Variants in TECPR2 observed in about 807,000 individuals in gnomAD.
TECPR2 encodes the protein tectonin beta-propeller repeat containing 2, also known as tectonin beta-propeller repeat-containing protein 2.
In TECPR2, 65 loss-of-function variants were observed where a neutral mutation model predicts 138.1. The observed-to-expected ratio is 0.47, with a 90% CI of 0.39 to 0.58. The LOEUF (loss-of-function observed/expected upper bound fraction) is 0.58, where lower values mean the gene tolerates loss of function less well. TECPR2 is among the 20% of genes least tolerant of loss of function. The probability of loss-of-function intolerance (pLI) is 0.00; values close to 1 mark genes in which losing one functional copy is unlikely to be tolerated. For missense variants in TECPR2, 1,553 were observed against 1,824.5 expected (o/e 0.85, Z 2.71); for synonymous variants, 746 against 749.8 (o/e 0.99, Z 0.08).
chr14:102,497,406 G>C (rs1314628054), intron 18 of TECPR2, 164 bp from the exon 19 acceptor site: 1 of 1,091,346 alleles, frequency 9.2e-7, no homozygotes, highest in East Asian at 2.7e-5. Context: ...CCTGCCAACT[G>C]GTCGTCCTTT....
Position 102,425,138 on chromosome 14 carries a change from G to A in TECPR2, c.798G>A (p.Lys266=). Residue 266 remains lysine, a synonymous_variant, in exon 6 of 20, where the codon AAG becomes AAA. Coordinates refer to ENST00000359520, the MANE Select transcript of TECPR2 (RefSeq NM_014844.5). ...ILKDAFAGGV[K]PFELHPRLES... ...AAGATGCTTTTGCCGGGGGAGTCAA[G>A]CCTTTTGAACTGCACCCGCGTCTGG... 1 of 1,614,122 alleles carries A rather than the reference G, an allele frequency of 6.2e-7. No individual in the cohort carries two copies. The highest frequency in any genetic ancestry group is 8.5e-7 in the Non-Finnish European group (1 of 1,180,036).
chr14:102,458,046 G>A (rs1890316587), intron 16 of TECPR2, among the ~76,000 whole-genome samples: 1 of 151,754 alleles, frequency 6.6e-6, no homozygotes, highest in Non-Finnish European at 1.5e-5. Flanking sequence ...GCTAATTTTT[G>A]TATGTTTAGT....
chr14:102,434,575 G>C lies in TECPR2; in HGVS notation c.1758G>C (p.Arg586Ser). 1 of 1,558,868 alleles carries C rather than the reference G, an allele frequency of 6.4e-7. No homozygotes were observed. Among genetic ancestry groups the C allele is most frequent in the Non-Finnish European group, 8.7e-7 (1 of 1,148,164 alleles). Residue 586 changes from arginine to serine, a missense_variant, in exon 9 of 20, where the codon AGG becomes AGC. Physicochemically the swap from Arg to Ser is moderately radical, Grantham distance 110. Coordinates refer to ENST00000359520, the MANE Select transcript of TECPR2 (RefSeq NM_014844.5). ...AHGRELLNGA[R>S]EDVGGSDVTG... ...GGCGGGAGCTGCTCAATGGAGCGAG[G>C]GAAGATGTGGGAGGCAGTGATGTCA...
intron 17 of TECPR2, among the ~76,000 whole-genome samples, chr14:102,487,236 T>C (rs1360373291): frequency 6.6e-6 from 1 of 152,216 alleles, no homozygotes; most frequent in African/African-American, 2.4e-5. Context: ...CCTGGGGCAT[T>C]TGTGCTGCCG....
rs752453781 is a variant in TECPR2 at position 102,438,212 on chromosome 14, C to T, written c.2578+7C>T. 1 of 1,598,052 alleles carries T rather than the reference C, an allele frequency of 6.3e-7. No individual in the cohort carries two copies. The highest frequency in any genetic ancestry group is 8.5e-7 in the Non-Finnish European group (1 of 1,176,616). Reference sequence around the variant, plus strand: ...GTGGCAGTCTCGCCCTCAGGTTCGCCTCCCCGCTCCCTGCTCCCGCTCCCT... The same window carrying T: ...GTGGCAGTCTCGCCCTCAGGTTCGCTTCCCCGCTCCCTGCTCCCGCTCCCT... On this transcript the variant is annotated splice_region_variant and intron_variant, in intron 10 of 19. Coordinates refer to ENST00000359520, the MANE Select transcript of TECPR2 (RefSeq NM_014844.5).
At chr14:102,484,551 G>C (rs1890978106) in intron 17 of TECPR2, among the ~76,000 whole-genome samples, 1 of 152,146 alleles carries the variant, frequency 6.6e-6, no homozygotes, top group Non-Finnish European at 1.5e-5. Context: ...GGGAGTCGTT[G>C]CTTTTAGCCT....
intron 17 of TECPR2, among the ~76,000 whole-genome samples, chr14:102,484,468 A>G (rs960981243): frequency 6.6e-6 from 1 of 152,096 alleles, no homozygotes; most frequent in Non-Finnish European, 1.5e-5. Flanking sequence ...GGCTGACTGG[A>G]AGCCCTGAGC....
intron 15 of TECPR2, 132 bp from the exon 16 acceptor site, chr14:102,452,262 G>A: frequency 1.3e-6 from 1 of 799,946 alleles, no homozygotes; most frequent in Admixed American, 2.4e-5. Context: ...TGTGGGAATG[G>A]GCAGGTGAGT....
At chr14:102,437,870 A>G in intron 9 of TECPR2, 152 bp from the exon 10 acceptor site, 1 of 849,348 alleles carries the variant, frequency 1.2e-6, no homozygotes, top group Non-Finnish European at 1.8e-6. Flanking sequence ...GTCCACAGAT[A>G]GCAGGGGTTG....
chr14:102,442,196 C>T (rs12436666), intron 11 of TECPR2, among the ~76,000 whole-genome samples: 33,131 of 152,202 alleles, frequency 0.22, 4,288 homozygotes, highest in Middle Eastern at 0.31. Flanking sequence ...CCAGTCTGGT[C>T]TTGAACTCCT....
intron 17 of TECPR2, among the ~76,000 whole-genome samples, chr14:102,473,263 C>T (rs1476933006): frequency 2.0e-5 from 3 of 152,198 alleles, no homozygotes; most frequent in Non-Finnish European, 2.9e-5. Context: ...TGGCCTCACA[C>T]GTCGTATTTT....
intron 2 of TECPR2, among the ~76,000 whole-genome samples, chr14:102,404,144 TC>T (rs1357832692): frequency 3.3e-5 from 5 of 151,810 alleles, no homozygotes; most frequent in Admixed American, 6.6e-5. Context: ...GCTCAAGTGA[TC>T]CTCCTGCCTT....
intron 1 of TECPR2, among the ~76,000 whole-genome samples, chr14:102,375,815 A>C (rs1887627295): frequency 6.6e-6 from 1 of 152,228 alleles, no homozygotes; most frequent in African/African-American, 2.4e-5. Context: ...CCTAGAGTCA[A>C]GTCTCGGCTG....
chr14:102,480,265 C>T (rs897626280), intron 17 of TECPR2, among the ~76,000 whole-genome samples: 4 of 151,444 alleles, frequency 2.6e-5, no homozygotes, highest in Non-Finnish European at 5.9e-5. Context: ...TGCTCTGTCG[C>T]CCAGGCTGGA....
At chr14:102,364,685 AT>A (rs906289433) in intron 1 of TECPR2, among the ~76,000 whole-genome samples, 6 of 151,532 alleles carry the variant, frequency 4.0e-5, no homozygotes, top group South Asian at 4.2e-4. Context: ...CATCTACTGG[AT>A]TTTTTTTTCC....
intron 16 of TECPR2, among the ~76,000 whole-genome samples, chr14:102,461,643 C>T (rs545221313): frequency 6.6e-5 from 10 of 152,312 alleles, no homozygotes; most frequent in South Asian, 2.1e-4. Flanking sequence ...CACAGTGAAC[C>T]GTGGCCCCCG....
intron 4 of TECPR2, among the ~76,000 whole-genome samples, chr14:102,413,944 C>T (rs376718146): frequency 3.3e-5 from 5 of 151,710 alleles, no homozygotes; most frequent in African/African-American, 9.7e-5. Context: ...ACCATAGGCA[C>T]GTGCCAACAT....
chr14:102,488,239 G>A (rs1287714987), intron 17 of TECPR2, among the ~76,000 whole-genome samples: 1 of 150,662 alleles, frequency 6.6e-6, no homozygotes, highest in South Asian at 2.1e-4. Context: ...ATTAGGTCTC[G>A]AGCTACTGGG....
Position 102,420,277 on chromosome 14 carries a change from G to T in TECPR2, c.639-4702G>T, listed in dbSNP as rs1002902726. 6.6e-6 allele frequency among the ~76,000 whole-genome samples: 1 copy of T among 152,146 alleles called. No individual in the cohort carries two copies. The highest frequency in any genetic ancestry group is 1.5e-5 in the Non-Finnish European group (1 of 68,026). ...TAAGAAATTATATTAATTTGTTTATGATTTTAGAATCCTGCAATACTTAGA... is the reference window on the plus strand; with the variant it reads ...TAAGAAATTATATTAATTTGTTTATTATTTTAGAATCCTGCAATACTTAGA... On this transcript the variant is annotated intron_variant, in intron 5 of 19. Coordinates refer to ENST00000359520, the MANE Select transcript of TECPR2 (RefSeq NM_014844.5). The surrounding 1 kb of genome is among the most constrained non-coding windows in gnomAD (Gnocchi z 4.1).
Sources: allele counts gnomAD v4.1 joint callset (sites outside exome capture counted in the v4.1 genomes callset), GRCh38; gene constraint gnomAD v4.1.1; non-coding constraint Gnocchi (gnomAD v3.1); transcripts MANE v1.5; gene names NCBI Gene and HGNC (gene_info 2026-07-23, HGNC 2026-07-21).